The following PARD3 variants were observed in gnomAD, a reference collection of about 807,000 sequenced individuals.
PARD3 encodes the protein par-3 family cell polarity regulator.
Under a neutral mutation model 155.4 loss-of-function variants are expected in PARD3, and 75 were observed. The observed-to-expected ratio is 0.48, with a 90% CI of 0.40 to 0.58. The LOEUF (loss-of-function observed/expected upper bound fraction) is 0.58, where lower values mean the gene tolerates loss of function less well. PARD3 is among the 20% of genes least tolerant of loss of function. The probability of loss-of-function intolerance (pLI) is 0.00; values close to 1 mark genes in which losing one functional copy is unlikely to be tolerated. For missense variants in PARD3, 1,642 were observed against 1,721.7 expected (o/e 0.95, Z 0.82); for synonymous variants, 576 against 610.5 (o/e 0.94, Z 0.83).
intron 2 of PARD3, among the ~76,000 whole-genome samples, chr10:34,636,402 G>A (rs1203704917): frequency 6.6e-6 from 1 of 152,240 alleles, no homozygotes; most frequent in Non-Finnish European, 1.5e-5. Flanking sequence ...TCTGAGGCCA[G>A]ACACTCTCTG....
At chr10:34,610,456 C>G (rs1445869619) in intron 2 of PARD3, among the ~76,000 whole-genome samples, 1 of 152,120 alleles carries the variant, frequency 6.6e-6, no homozygotes, top group Non-Finnish European at 1.5e-5. Context: ...TAATATTAAA[C>G]AGAAATCTAG....
intron 22 of PARD3, among the ~76,000 whole-genome samples, chr10:34,252,966 AAC>A (rs1954418157): frequency 6.6e-6 from 1 of 152,194 alleles, no homozygotes; most frequent in Admixed American, 6.5e-5. Context: ...GTTGGTCTGC[AAC>A]AGTGTTCAGC....
chr10:34,366,196 T>C (rs1174389719), intron 12 of PARD3, among the ~76,000 whole-genome samples: 1 of 152,212 alleles, frequency 6.6e-6, no homozygotes, highest in Non-Finnish European at 1.5e-5. Context: ...TTTCCACTTT[T>C]GATGGTGCCC....
chr10:34,341,596 C>A, intron 16 of PARD3, 31 bp downstream of exon 16: 1 of 1,564,414 alleles, frequency 6.4e-7, no homozygotes, highest in South Asian at 1.2e-5. Flanking sequence ...GTAATTAATT[C>A]ATGTTTTCCA....
intron 3 of PARD3, among the ~76,000 whole-genome samples, chr10:34,472,335 A>C (rs2078406609): frequency 6.6e-6 from 1 of 152,200 alleles, no homozygotes; most frequent in Non-Finnish European, 1.5e-5. Context: ...AAACACCAAT[A>C]AGAACTATAT....
chr10:34,535,138 A>G (rs1224849581), intron 2 of PARD3, among the ~76,000 whole-genome samples: 8 of 152,252 alleles, frequency 5.3e-5, no homozygotes, highest in Admixed American at 4.6e-4. Flanking sequence ...AAAACTCTGT[A>G]TAAGTAGCTG....
chr10:34,423,014 A>C (rs181297660), intron 5 of PARD3, among the ~76,000 whole-genome samples: 13 of 152,308 alleles, frequency 8.5e-5, no homozygotes, highest in Admixed American at 7.9e-4. Context: ...ACATTAGCGA[A>C]GACATGGAAT....
At chr10:34,742,610 T>C (rs1398200190) in intron 1 of PARD3, among the ~76,000 whole-genome samples, 1 of 152,212 alleles carries the variant, frequency 6.6e-6, no homozygotes, top group Non-Finnish European at 1.5e-5. Context: ...GAGAATCTCA[T>C]AGATGATCTA....
intron 2 of PARD3, among the ~76,000 whole-genome samples, chr10:34,677,120 T>A (rs947332000): frequency 5.3e-5 from 8 of 152,116 alleles, no homozygotes; most frequent in Non-Finnish European, 1.0e-4. Flanking sequence ...AAATAGAGAT[T>A]TGGAATGTCT....
At chr10:34,750,878 G>A (rs1308325769) in intron 1 of PARD3, among the ~76,000 whole-genome samples, 6 of 151,986 alleles carry the variant, frequency 3.9e-5, no homozygotes, top group East Asian at 1.9e-4. Flanking sequence ...TAGTAGAGAC[G>A]GGGTTTTGCC....
chr10:34,580,338 G>C (rs1488831483), intron 2 of PARD3, among the ~76,000 whole-genome samples: 1 of 151,930 alleles, frequency 6.6e-6, no homozygotes, highest in East Asian at 1.9e-4. Flanking sequence ...TAGGCAACAT[G>C]ACGAATCCCC....
At chr10:34,725,607 G>T (rs987911729) in intron 1 of PARD3, among the ~76,000 whole-genome samples, 6 of 152,154 alleles carry the variant, frequency 3.9e-5, no homozygotes, top group East Asian at 3.9e-4. Context: ...CTACCCTTGG[G>T]GGGGCACAAT....
chr10:34,805,542 CATATATATAT>C (rs58820083), intron 1 of PARD3, among the ~76,000 whole-genome samples: 6 of 140,748 alleles, frequency 4.3e-5, no homozygotes, highest in Non-Finnish European at 6.2e-5. Flanking sequence ...CACGTATGTG[CATATATATAT>C]ATATATATAT....
intron 22 of PARD3, among the ~76,000 whole-genome samples, chr10:34,260,166 G>T (rs187995733): frequency 2.0e-5 from 3 of 152,254 alleles, no homozygotes; most frequent in Admixed American, 6.5e-5. Flanking sequence ...GTAAAGATGG[G>T]TTTTCGCCAT....
chr10:34,737,236 C>A (rs1378228315), intron 1 of PARD3, among the ~76,000 whole-genome samples: 1 of 152,156 alleles, frequency 6.6e-6, no homozygotes, highest in Non-Finnish European at 1.5e-5. Context: ...GTATCTCATG[C>A]ATACAATGTG....
At chr10:34,805,759 G>A (rs571695410) in intron 1 of PARD3, among the ~76,000 whole-genome samples, 1 of 151,934 alleles carries the variant, frequency 6.6e-6, no homozygotes, top group African/African-American at 2.4e-5. Flanking sequence ...GGCGGATCAC[G>A]AGGTCAGGAG....
chr10:34,672,475 T>C (rs1209165933), intron 2 of PARD3, among the ~76,000 whole-genome samples: 1 of 152,226 alleles, frequency 6.6e-6, no homozygotes, highest in Admixed American at 6.5e-5. Context: ...GTTCTCAATA[T>C]GTACCGTGTT....
intron 2 of PARD3, among the ~76,000 whole-genome samples, chr10:34,594,824 T>C (rs1365441347): frequency 1.3e-5 from 2 of 151,924 alleles, no homozygotes; most frequent in African/African-American, 4.8e-5. Flanking sequence ...TGAGACCCTG[T>C]CTCAAAAAAA....
chr10:34,719,020 G>GA (rs2094564601), intron 1 of PARD3, among the ~76,000 whole-genome samples: 1 of 152,088 alleles, frequency 6.6e-6, no homozygotes, highest in Non-Finnish European at 1.5e-5. Context: ...AACAACCAGG[G>GA]AAACAGCCTA....
Sources: gnomAD v4.1 joint callset for allele counts (sites outside exome capture counted in the v4.1 genomes callset) on GRCh38, gnomAD v4.1.1 for gene constraint, MANE v1.5 for transcripts, NCBI Gene and HGNC (gene_info 2026-07-23, HGNC 2026-07-21) for gene names.